The following GDAP1L1 variants were observed in gnomAD, a reference collection of about 807,000 sequenced individuals.
The protein encoded by GDAP1L1 is ganglioside induced differentiation associated protein 1 like 1.
In GDAP1L1, 21 loss-of-function variants were observed where a neutral mutation model predicts 37.1. The observed-to-expected ratio is 0.57, with a 90% CI of 0.40 to 0.81. The LOEUF (loss-of-function observed/expected upper bound fraction) is 0.81. Ranked by LOEUF, GDAP1L1 falls within the 40% of genes least tolerant of loss-of-function variation. GDAP1L1 has a pLI of 0.00. For missense variants in GDAP1L1, 362 were observed against 491.6 expected, an observed-to-expected ratio of 0.74 and a Z score of 2.49; for synonymous variants, 193 against 209.1, an observed-to-expected ratio of 0.92 and a Z score of 0.67.
chr20:44,278,747 T>C (rs2062610481), intron 5 of GDAP1L1, among the ~76,000 whole-genome samples: 1 of 148,978 alleles, frequency 6.7e-6, no homozygotes, highest in South Asian at 2.1e-4. Flanking sequence ...AACAAAAGAA[T>C]AAAAAAAAAG....
At chr20:44,258,352 T>G in intron 2 of GDAP1L1, 82 bp from the exon 3 acceptor site, 2 of 1,369,818 alleles carry the variant, frequency 1.5e-6, no homozygotes, top group Non-Finnish European at 2.0e-6. Context: ...AGAGACATCT[T>G]GGGGCTCAGG....
chr20:44,261,478 A>G (rs1290721684), intron 3 of GDAP1L1, among the ~76,000 whole-genome samples: 2 of 152,188 alleles, frequency 1.3e-5, no homozygotes, highest in African/African-American at 4.8e-5. Flanking sequence ...CATTTCATTC[A>G]TTCATTCATT....
In GDAP1L1 at chr20:44,264,892, A is replaced by G. The variant is rs982303450; in HGVS notation, c.760+333A>G. The G allele has an allele frequency of 2.8e-6, 3 of 1,066,608 alleles. No individual in the cohort carries two copies. The African/African-American group carries it at 5.1e-5, about 18-fold the overall frequency. 66.1% of individuals were successfully genotyped at this position (1,066,608 alleles called of 1,614,324 possible). On this transcript the variant is annotated intron_variant, in intron 5 of 5. Transcript: ENST00000342560. ...GCTTAGCACACAGTAGGTGTTTAAT[A>G]AAGGTAGGTGAAGATGATGTTAAGA... is the stretch of plus-strand genomic sequence containing the variant.
At chr20:44,250,654 C>A (rs903599211) in intron 1 of GDAP1L1, among the ~76,000 whole-genome samples, 1 of 152,196 alleles carries the variant, frequency 6.6e-6, no homozygotes, top group Non-Finnish European at 1.5e-5. Flanking sequence ...TAGCACAATG[C>A]CTTAAACAAT....
intron 1 of GDAP1L1, among the ~76,000 whole-genome samples, chr20:44,249,745 C>T (rs1568645145): frequency 6.6e-6 from 1 of 152,226 alleles, no homozygotes; most frequent in Non-Finnish European, 1.5e-5. Context: ...CCTTCTGTCT[C>T]CCATACCAGG....
Position 44,279,333 on chromosome 20 carries a change from G to A in GDAP1L1, c.*33G>A, listed in dbSNP as rs769798996. 1.5e-6 allele frequency: 2 copies of A among 1,376,898 alleles called. No individual in the cohort carries two copies. Among genetic ancestry groups the A allele is most frequent in the South Asian group, 1.2e-5 (1 of 80,784 alleles). 85.3% of individuals were successfully genotyped at this position (1,376,898 alleles called of 1,614,324 possible). On this transcript the variant is annotated 3_prime_UTR_variant, in exon 6 of 6. Transcript: ENST00000342560. The stretch of plus-strand genomic sequence containing the variant: ...CCTGGGGCTTGGTGTCTGACTGTCG[G>A]TGTCTCTGTGCTGTGTGATTCCCCG...
At chr20:44,256,944 C>A (rs2073559891) in intron 1 of GDAP1L1, among the ~76,000 whole-genome samples, 1 of 152,284 alleles carries the variant, frequency 6.6e-6, no homozygotes, top group South Asian at 2.1e-4. Context: ...GCCCTTTGTC[C>A]CCCAAGCAGA....
intron 1 of GDAP1L1, among the ~76,000 whole-genome samples, chr20:44,252,290 T>A (rs1451000478): frequency 2.0e-5 from 3 of 152,144 alleles, no homozygotes; most frequent in African/African-American, 7.2e-5. Flanking sequence ...GGTGGGTGGA[T>A]CACCTGAGGT....
intron 3 of GDAP1L1, among the ~76,000 whole-genome samples, chr20:44,260,957 A>G (rs1353053812): frequency 6.6e-6 from 1 of 152,196 alleles, no homozygotes; most frequent in African/African-American, 2.4e-5. Flanking sequence ...GTTGGTAGGC[A>G]GGGTCCTGGC....
At position 44,265,100 on chromosome 20, in the gene GDAP1L1, C is replaced by A. The variant is rs546923625; in HGVS notation, c.760+541C>A. Reference sequence around the variant, plus strand: ...CACCTCCCTTACACAACTTGATGGCCACTACCCACCACACCATCCCACTTG... The same window carrying A: ...CACCTCCCTTACACAACTTGATGGCAACTACCCACCACACCATCCCACTTG... On this transcript the variant is annotated intron_variant, in intron 5 of 5. Coordinates refer to ENST00000342560, the MANE Select transcript of GDAP1L1 (RefSeq NM_024034.6). The A allele has an allele frequency of 9.3e-4, 913 of 985,350 alleles. 2 individuals are homozygous for A. The highest frequency in any genetic ancestry group is 9.1e-4 in the Non-Finnish European group (759 of 829,910). The allele number at this position is 985,350 out of a possible 1,614,324, so 61.0% of individuals were successfully genotyped here.
intron 5 of GDAP1L1, among the ~76,000 whole-genome samples, chr20:44,278,264 C>T (rs2146068240): frequency 6.6e-6 from 1 of 152,096 alleles, no homozygotes; most frequent in Non-Finnish European, 1.5e-5. Context: ...TGGGGATGAG[C>T]ATGGTGGCTC....
chr20:44,266,549 G>A (rs1045172457), intron 5 of GDAP1L1, among the ~76,000 whole-genome samples: 2 of 152,134 alleles, frequency 1.3e-5, no homozygotes, highest in Non-Finnish European at 2.9e-5. Context: ...ACTACAGACT[G>A]AGGGGCTTAA....
rs889004859 is a variant in GDAP1L1 at position 44,257,880 on chromosome 20, G to A, written c.373+535G>A. Among the ~76,000 whole-genome samples the A allele has an allele frequency of 2.0e-4, 31 of 151,972 alleles. No individual in the cohort carries two copies. In the South Asian group the frequency reaches 6.5e-3, roughly 32 times the overall value. Reference sequence around the variant, plus strand: ...ACCCCAGAACCCTGAGACAGGGGAGGGCCCAGATACCCCAGAACCCCATGG... The same window carrying A: ...ACCCCAGAACCCTGAGACAGGGGAGAGCCCAGATACCCCAGAACCCCATGG... On this transcript the variant is annotated intron_variant, in intron 2 of 5. Coordinates refer to ENST00000342560, the MANE Select transcript of GDAP1L1 (RefSeq NM_024034.6).
At chr20:44,277,606 G>A (rs536370255) in intron 5 of GDAP1L1, among the ~76,000 whole-genome samples, 1 of 152,316 alleles carries the variant, frequency 6.6e-6, no homozygotes, top group East Asian at 1.9e-4. Context: ...ATTCTGAGAA[G>A]GGAGAAGTGA....
intron 5 of GDAP1L1, 130 bp from the exon 6 acceptor site, chr20:44,278,827 T>G: frequency 1.6e-6 from 1 of 621,364 alleles, no homozygotes; most frequent in Non-Finnish European, 2.9e-6. Flanking sequence ...ATCACTGAAG[T>G]TGTACAGGAA....
chr20:44,260,604 C>T (rs2073654194), intron 3 of GDAP1L1, among the ~76,000 whole-genome samples: 2 of 152,248 alleles, frequency 1.3e-5, no homozygotes, highest in South Asian at 2.1e-4. Flanking sequence ...TGGGCATACA[C>T]GATGTCCACC....
At chr20:44,260,722 C>T (rs1011653025) in intron 3 of GDAP1L1, among the ~76,000 whole-genome samples, 6 of 151,970 alleles carry the variant, frequency 3.9e-5, no homozygotes, top group Admixed American at 3.9e-4. Context: ...TGGAGTAGGA[C>T]AGGGTGTATT....
intron 1 of GDAP1L1, among the ~76,000 whole-genome samples, chr20:44,250,969 C>T (rs35781708): frequency 0.077 from 11,721 of 152,056 alleles, 963 homozygotes; most frequent in East Asian, 0.31. Flanking sequence ...CTCCCTCCTC[C>T]TTCACCAGGC....
At chr20:44,248,667 A>G (rs2073381725) in intron 1 of GDAP1L1, among the ~76,000 whole-genome samples, 1 of 152,238 alleles carries the variant, frequency 6.6e-6, no homozygotes, top group African/African-American at 2.4e-5. Flanking sequence ...ATAGACTGGG[A>G]CTACTCAAAC....
Sources: gnomAD v4.1 joint callset for allele counts (sites outside exome capture counted in the v4.1 genomes callset) on GRCh38, gnomAD v4.1.1 for gene constraint, MANE v1.5 for transcripts, NCBI Gene and HGNC (gene_info 2026-07-23, HGNC 2026-07-21) for gene names.